Variants in BLTP2 observed in about 807,000 individuals in gnomAD.
BLTP2 encodes the protein U937-associated antigen.
the BLTP2 span, chr17:28,624,286 G>A: frequency 6.2e-7 from 1 of 1,614,186 alleles, no homozygotes; most frequent in Non-Finnish European, 8.5e-7. Flanking sequence ...TCATCCGTCT[G>A]GCAGGCAGCA....
At chr17:28,643,089 C>T in the BLTP2 span, 1 of 1,596,006 alleles carries the variant, frequency 6.3e-7, no homozygotes, top group Non-Finnish European at 8.6e-7. Context: ...GCCCTAAAAA[C>T]AGAAAAATCT....
At chr17:28,622,938 G>A in the BLTP2 span, among the ~76,000 whole-genome samples, 2 of 152,156 alleles carry the variant, frequency 1.3e-5, no homozygotes, top group African/African-American at 2.4e-5. Context: ...AGCCGGGCAT[G>A]GTGGGGCACG....
chr17:28,623,088 CA>C, the BLTP2 span, among the ~76,000 whole-genome samples: 1 of 151,132 alleles, frequency 6.6e-6, no homozygotes, highest in Non-Finnish European at 1.5e-5. Flanking sequence ...AACAAACAAA[CA>C]AAAAAAACAA....
chr17:28,616,481 C>G, the BLTP2 span: 1 of 1,614,212 alleles, frequency 6.2e-7, no homozygotes, highest in Non-Finnish European at 8.5e-7. This position sits in a 1 kb window ranked among gnomAD's most constrained non-coding sequence, Gnocchi z 4.8. Flanking sequence ...CTGTTGCAAT[C>G]AGCTGCCGAG....
the BLTP2 span, chr17:28,628,342 A>C: frequency 6.2e-7 from 1 of 1,614,124 alleles, no homozygotes; most frequent in Non-Finnish European, 8.5e-7. Context: ...ACTAGTTGGG[A>C]CACCCCGCTT....
chr17:28,638,055 A>C, the BLTP2 span: 1 of 1,614,222 alleles, frequency 6.2e-7, no homozygotes, highest in Non-Finnish European at 8.5e-7. Context: ...AGGGTATCTG[A>C]CTGGGTGCTG....
chr17:28,640,426 A>G, the BLTP2 span: 1,072 of 917,636 alleles, frequency 1.2e-3, 8 homozygotes, highest in African/African-American at 0.016. Context: ...TTTTTCCCAC[A>G]CTACATGGAT....
chr17:28,636,686 T>C, the BLTP2 span, among the ~76,000 whole-genome samples: 4 of 152,060 alleles, frequency 2.6e-5, no homozygotes, highest in Non-Finnish European at 4.4e-5. Context: ...ACATACGAGC[T>C]AGAAAAAATA....
the BLTP2 span, chr17:28,638,032 A>T: frequency 6.2e-7 from 1 of 1,614,234 alleles, no homozygotes; most frequent in Non-Finnish European, 8.5e-7. Context: ...CTCGAATGGT[A>T]CAATCAAGAA....
At chr17:28,631,766 G>A in the BLTP2 span, 3 of 1,603,600 alleles carry the variant, frequency 1.9e-6, no homozygotes, top group Non-Finnish European at 1.7e-6. Context: ...ATGGAACTGA[G>A]AAGGGAAAAA....
At chr17:28,620,009 T>C in the BLTP2 span, 5 of 1,612,692 alleles carry the variant, frequency 3.1e-6, no homozygotes, top group Non-Finnish European at 4.2e-6. Context: ...TTCTTCTCAC[T>C]ATGTTCCTAA....
chr17:28,634,708 C>A, the BLTP2 span: 1 of 1,614,122 alleles, frequency 6.2e-7, no homozygotes, highest in East Asian at 2.2e-5. Flanking sequence ...CAGTGCCCGG[C>A]GCATGGGTGT....
chr17:28,623,640 T>C, the BLTP2 span: 1 of 819,918 alleles, frequency 1.2e-6, no homozygotes, highest in South Asian at 1.7e-5. Flanking sequence ...TTCAAGGTGT[T>C]ATTAGCCTCA....
At chr17:28,620,629 C>T in the BLTP2 span, 4 of 1,613,130 alleles carry the variant, frequency 2.5e-6, no homozygotes, top group Non-Finnish European at 3.4e-6. Context: ...TATCCACAGC[C>T]CCTAGATAAT....
the BLTP2 span, among the ~76,000 whole-genome samples, chr17:28,641,461 G>A: frequency 1.3e-5 from 2 of 152,178 alleles, no homozygotes; most frequent in Middle Eastern, 3.4e-3. Flanking sequence ...CTAACACGGC[G>A]AAATCCCGTC....
chr17:28,640,829 C>A, the BLTP2 span: 1 of 684,600 alleles, frequency 1.5e-6, no homozygotes, highest in Non-Finnish European at 2.5e-6. Context: ...GGCGAATGCC[C>A]CAGAGATCCA....
At chr17:28,642,234 CAGGAGGAAATG>C in the BLTP2 span, 1 of 1,608,820 alleles carries the variant, frequency 6.2e-7, no homozygotes, top group African/African-American at 1.3e-5. Context: ...ACTTTACGCC[CAGGAGGAAATG>C]AGGCATCTGA....
chr17:28,618,591 T>C, the BLTP2 span: 5 of 477,300 alleles, frequency 1.0e-5, no homozygotes, highest in Non-Finnish European at 1.9e-5. Flanking sequence ...GCTATATGTG[T>C]ATCATTCATT....
chr17:28,627,629 G>T, the BLTP2 span, among the ~76,000 whole-genome samples: 1 of 151,984 alleles, frequency 6.6e-6, no homozygotes, highest in East Asian at 1.9e-4. Flanking sequence ...GGATAGTCTC[G>T]ATCTCCTGAC....
Sources: allele counts gnomAD v4.1 joint callset (sites outside exome capture counted in the v4.1 genomes callset), GRCh38; gene constraint gnomAD v4.1.1; non-coding constraint Gnocchi (gnomAD v3.1); transcripts MANE v1.5; gene names NCBI Gene and HGNC (gene_info 2026-07-23, HGNC 2026-07-21).